The following PADI3 variants were observed in gnomAD, a reference collection of about 807,000 sequenced individuals.
The protein encoded by PADI3 is protein-arginine deiminase type-3.
A neutral mutation model predicts 71.5 loss-of-function variants in PADI3; 53 were observed. The ratio of observed to expected loss-of-function variants is 0.74; its 90% CI spans 0.59 to 0.93. The LOEUF (loss-of-function observed/expected upper bound fraction) is 0.93, where lower values mean the gene tolerates loss of function less well. PADI3 is among the 40% of genes least tolerant of loss of function. The probability of loss-of-function intolerance (pLI) is 0.00; values close to 1 mark genes in which losing one functional copy is unlikely to be tolerated. For synonymous variants in PADI3, 361 were observed against 347.5 expected, an observed-to-expected ratio of 1.04 and a Z score of -0.43; for missense variants, 821 against 868.0, an observed-to-expected ratio of 0.95 and a Z score of 0.68.
intron 13 of PADI3, among the ~76,000 whole-genome samples, chr1:17,278,979 TAA>T (rs2073367975): frequency 6.6e-6 from 1 of 152,244 alleles, no homozygotes. Flanking sequence ...AAACGCACCC[TAA>T]CTAGACTCCG....
rs769919248 is a variant in PADI3, at chr1:17,271,117, A to T, written c.986A>T (p.Lys329Met). 2 of 1,613,974 alleles carry T rather than the reference A, an allele frequency of 1.2e-6. No homozygotes were observed. The highest frequency in any genetic ancestry group is 1.7e-6 in the Non-Finnish European group (2 of 1,180,010). Residue 329 changes from lysine to methionine, a missense_variant, in exon 9 of 16, where the codon AAG (lysine) becomes ATG (methionine). Physicochemically the swap from Lys to Met is moderately conservative, Grantham distance 95. Transcript: ENST00000375460. ...GATGCGGTGGCAGAGCTGGCCAGGA[A>T]GGCCGGCTGCAAGCTGACCATCTGC... ...FVDAVAELAR[K>M]AGCKLTICPQ...
Position 17,262,223 on chromosome 1 carries a change from T to C in PADI3, c.346+18T>C, listed in dbSNP as rs146198557. ...CTGTGTTGGTAAGTTGGGGGCCATG[T>C]TGATGGTGTGGCCAAGGGCACATTT... On this transcript the variant is annotated intron_variant, in intron 3 of 15. Coordinates refer to ENST00000375460, the MANE Select transcript of PADI3 (RefSeq NM_016233.2). 4 of 1,588,854 alleles carry C rather than the reference T, an allele frequency of 2.5e-6. No homozygotes were observed. In the South Asian group the frequency reaches 3.4e-5, roughly 14 times the overall value.
intron 1 of PADI3, among the ~76,000 whole-genome samples, chr1:17,255,042 A>G (rs971467730): frequency 6.6e-5 from 10 of 152,090 alleles, no homozygotes; most frequent in African/African-American, 2.4e-4. Context: ...TTCTAAGACA[A>G]CCTACTCTAA....
Position 17,274,783 on chromosome 1 carries a change from C to A in PADI3, c.1304C>A (p.Pro435His). Reference sequence around the variant, plus strand: ...AGGATCCTCATTGGGGGCAACCTGCCTGGGTGAGAGAGAGACAGGGAATGG... The same window carrying A: ...AGGATCCTCATTGGGGGCAACCTGCATGGGTGAGAGAGAGACAGGGAATGG... Reference protein sequence around the residue: ...LGRILIGGNLPGSSGRRVTQV... With the variant: ...LGRILIGGNLHGSSGRRVTQV... The change falls in exon 11 of 16, where the codon CCT becomes CAT. Residue 435 changes from proline to histidine, a missense_variant. Coordinates refer to ENST00000375460, the MANE Select transcript of PADI3 (RefSeq NM_016233.2). The A allele has an allele frequency of 1.9e-6, 3 of 1,613,102 alleles. No individual in the cohort carries two copies. The highest frequency in any genetic ancestry group is 2.5e-6 in the Non-Finnish European group (3 of 1,179,478).
intron 9 of PADI3, 80 bp downstream of exon 9, chr1:17,271,258 C>A: frequency 1.6e-6 from 2 of 1,216,608 alleles, no homozygotes; most frequent in Non-Finnish European, 2.3e-6. Context: ...CACCGAGAAA[C>A]ATCCAGGAGG....
chr1:17,278,380 A>G (rs142119647), intron 13 of PADI3, among the ~76,000 whole-genome samples: 2,484 of 152,112 alleles, frequency 0.016, 40 homozygotes, highest in Non-Finnish European at 0.025. Context: ...GGCATGCACC[A>G]CCACGCCTGG....
intron 9 of PADI3, 46 bp downstream of exon 9, chr1:17,271,224 A>T: frequency 6.6e-7 from 1 of 1,525,282 alleles, no homozygotes; most frequent in Non-Finnish European, 9.0e-7. Flanking sequence ...GCCATCCTGG[A>T]GAGAGAGGCC....
At position 17,271,062 on chromosome 1, in the gene PADI3, C is replaced by T. The variant is rs557261332; in HGVS notation, c.936-5C>T. The T allele has an allele frequency of 3.1e-5, 50 of 1,614,024 alleles. No individual in the cohort carries two copies. The highest frequency in any genetic ancestry group is 3.7e-5 in the Non-Finnish European group (44 of 1,179,946). ...TGAGCCCCTCTTCCCTGGGCTTGTCCGTAGTGTGAGGAACAACACGTGTTT... is the reference window on the plus strand; with the variant it reads ...TGAGCCCCTCTTCCCTGGGCTTGTCTGTAGTGTGAGGAACAACACGTGTTT... On this transcript the variant is annotated splice_polypyrimidine_tract_variant and splice_region_variant and intron_variant, in intron 8 of 15. Coordinates refer to ENST00000375460, the MANE Select transcript of PADI3 (RefSeq NM_016233.2).
chr1:17,272,672 A>G lies in PADI3; in HGVS notation c.1048-668A>G, dbSNP rs866217159. 9.2e-5 allele frequency among the ~76,000 whole-genome samples: 14 copies of G among 151,878 alleles called. No homozygotes were observed. The South Asian group carries it at 2.1e-3, about 23-fold the overall frequency. On this transcript the variant is annotated intron_variant, in intron 9 of 15. Coordinates refer to ENST00000375460, the MANE Select transcript of PADI3 (RefSeq NM_016233.2). ...CAGGTGCAGCCACCAGGCTCAGCTAATTTTTTGTAGAGATGGGGTCTTGCC... is the reference window on the plus strand; with the variant it reads ...CAGGTGCAGCCACCAGGCTCAGCTAGTTTTTTGTAGAGATGGGGTCTTGCC...
chr1:17,255,954 C>T (rs1255877499), intron 1 of PADI3, among the ~76,000 whole-genome samples: 1 of 152,180 alleles, frequency 6.6e-6, no homozygotes, highest in Non-Finnish European at 1.5e-5. Flanking sequence ...ACGGCTCCAT[C>T]ATGTTGCCCC....
chr1:17,265,708 C>G lies in PADI3; in HGVS notation c.396C>G (p.Asn132Lys). 6.2e-7 allele frequency: 1 copy of G among 1,614,098 alleles called. No individual in the cohort carries two copies. The highest frequency in any genetic ancestry group is 8.5e-7 in the Non-Finnish European group (1 of 1,179,964). The stretch of plus-strand genomic sequence containing the variant: ...ACTGTGAGGGAAGGCAGGACAGGAA[C>G]TTTGTAGACAAGGTAAGCATCTCTG... ...DLNCEGRQDRNFVDKRQWVWG... is the reference protein window; with the variant it reads ...DLNCEGRQDRKFVDKRQWVWG... Residue 132 changes from asparagine to lysine, a missense_variant, in exon 4 of 16, where the codon AAC (asparagine) becomes AAG (lysine). By Grantham distance (94) the Asn-to-Lys change is moderately conservative. Transcript: ENST00000375460.
At chr1:17,271,286 G>T in intron 9 of PADI3, 108 bp downstream of exon 9, 1 of 892,824 alleles carries the variant, frequency 1.1e-6, no homozygotes, top group South Asian at 1.6e-5. Context: ...TGCTCCCCAG[G>T]GAACTTGCTG....
intron 15 of PADI3, among the ~76,000 whole-genome samples, chr1:17,281,450 C>T (rs200818789): frequency 2.6e-4 from 37 of 142,010 alleles, no homozygotes; most frequent in African/African-American, 4.2e-4. Context: ...TTCTTTTTTT[C>T]TTTTTTTTTT....
At chr1:17,274,959 A>T (rs1259374905) in intron 11 of PADI3, among the ~76,000 whole-genome samples, 173 bp downstream of exon 11, 2 of 152,134 alleles carry the variant, frequency 1.3e-5, no homozygotes, top group Non-Finnish European at 2.9e-5. Flanking sequence ...CACAGTCCAC[A>T]CTTACCTCGG....
intron 5 of PADI3, 80 bp from the exon 6 acceptor site, chr1:17,267,757 G>A (rs2073189548): frequency 6.4e-7 from 1 of 1,553,862 alleles, no homozygotes; most frequent in Non-Finnish European, 8.7e-7. Context: ...CCACTGACCT[G>A]GGGAGGGAGC....
chr1:17,259,547 G>A (rs555384051), intron 1 of PADI3, 31 bp from the exon 2 acceptor site: 19 of 1,539,190 alleles, frequency 1.2e-5, no homozygotes, highest in Middle Eastern at 1.8e-4. Context: ...TATCTCCTTC[G>A]GCACCGACCA....
At chr1:17,256,432 C>T (rs990956659) in intron 1 of PADI3, among the ~76,000 whole-genome samples, 5 of 152,240 alleles carry the variant, frequency 3.3e-5, no homozygotes, top group Non-Finnish European at 5.9e-5. Context: ...CCTCGGCTTG[C>T]AGCCCCTCCC....
At chr1:17,281,842 C>A (rs1465461418) in intron 15 of PADI3, among the ~76,000 whole-genome samples, 1 of 152,220 alleles carries the variant, frequency 6.6e-6, no homozygotes, top group Non-Finnish European at 1.5e-5. Flanking sequence ...AAAGCACGGC[C>A]CGAGGCACTG....
chr1:17,271,251 C>T (rs752484702), intron 9 of PADI3, 73 bp downstream of exon 9: 68 of 1,276,970 alleles, frequency 5.3e-5, no homozygotes, highest in Non-Finnish European at 6.6e-5. Context: ...TGGGGGCCAC[C>T]GAGAAACATC....
Sources: allele counts gnomAD v4.1 joint callset (sites outside exome capture counted in the v4.1 genomes callset), GRCh38; gene constraint gnomAD v4.1.1; transcripts MANE v1.5; gene names NCBI Gene and HGNC (gene_info 2026-07-23, HGNC 2026-07-21).